NLGN1: variants seen among roughly 807,000 people sequenced by gnomAD.
NLGN1 encodes neuroligin 1.
Under a neutral mutation model 65.5 loss-of-function variants are expected in NLGN1, and 12 were observed. The ratio of observed to expected loss-of-function variants is 0.18; its 90% CI spans 0.12 to 0.30. The LOEUF (loss-of-function observed/expected upper bound fraction) is 0.30. Among genes scored for constraint, NLGN1 ranks in the 10% least tolerant of loss-of-function variants. The pLI, the probability that NLGN1 is intolerant of heterozygous loss-of-function variation, is 1.00. For missense variants in NLGN1, 750 were observed against 1,007.1 expected (o/e 0.74, Z 3.46); for synonymous variants, 350 against 359.5 (o/e 0.97, Z 0.30).
At chr3:173,756,089 G>A (rs150316773) in intron 3 of NLGN1, among the ~76,000 whole-genome samples, 1 of 151,782 alleles carries the variant, frequency 6.6e-6, no homozygotes, top group East Asian at 1.9e-4. Flanking sequence ...ATTTCATTCA[G>A]TAATTCCGTT....
chr3:173,649,959 A>G (rs1265389914), intron 3 of NLGN1, among the ~76,000 whole-genome samples: 1 of 152,026 alleles, frequency 6.6e-6, no homozygotes, highest in Non-Finnish European at 1.5e-5. Flanking sequence ...TACCATTTCC[A>G]TTTACCTCAT....
At chr3:174,219,367 T>C (rs17184565) in intron 4 of NLGN1, among the ~76,000 whole-genome samples, 31,897 of 151,964 alleles carry the variant, frequency 0.21, 3,814 homozygotes, top group African/African-American at 0.32. Flanking sequence ...GAAATTGTGG[T>C]TTATTAAATC....
intron 4 of NLGN1, among the ~76,000 whole-genome samples, chr3:173,827,966 T>A (rs1721709927): frequency 6.6e-6 from 1 of 152,010 alleles, no homozygotes; most frequent in Admixed American, 6.6e-5. Flanking sequence ...TCAATGCTCA[T>A]CTCTTCCAAA....
chr3:173,926,810 TA>T (rs1334774571), intron 4 of NLGN1, among the ~76,000 whole-genome samples: 1 of 152,166 alleles, frequency 6.6e-6, no homozygotes, highest in Admixed American at 6.5e-5. Flanking sequence ...GTCCTGATGT[TA>T]ACATAAACCT....
chr3:173,508,327 T>C (rs559804152), intron 2 of NLGN1, among the ~76,000 whole-genome samples: 1 of 152,298 alleles, frequency 6.6e-6, no homozygotes, highest in South Asian at 2.1e-4. Context: ...TTATGATGCA[T>C]GTAATTATTT....
intron 2 of NLGN1, among the ~76,000 whole-genome samples, chr3:173,472,510 A>G (rs1296919003): frequency 6.6e-6 from 1 of 152,042 alleles, no homozygotes; most frequent in Non-Finnish European, 1.5e-5. Flanking sequence ...AATGGAGAAT[A>G]GTTTCACTTA....
At chr3:173,756,088 A>G (rs55922700) in intron 3 of NLGN1, among the ~76,000 whole-genome samples, 1 of 151,852 alleles carries the variant, frequency 6.6e-6, no homozygotes, top group Admixed American at 6.6e-5. Context: ...AATTTCATTC[A>G]GTAATTCCGT....
chr3:173,654,641 C>T (rs567573706), intron 3 of NLGN1, among the ~76,000 whole-genome samples: 1 of 152,126 alleles, frequency 6.6e-6, no homozygotes, highest in Admixed American at 6.6e-5. Context: ...AATGTAGTGA[C>T]TCTCCTACCG....
intron 4 of NLGN1, among the ~76,000 whole-genome samples, chr3:173,916,661 T>A (rs1414351770): frequency 6.6e-6 from 1 of 152,104 alleles, no homozygotes; most frequent in Non-Finnish European, 1.5e-5. Context: ...CAGTGAGGCT[T>A]ATACAAACAA....
At chr3:173,880,545 C>T (rs1733020985) in intron 4 of NLGN1, among the ~76,000 whole-genome samples, 1 of 150,934 alleles carries the variant, frequency 6.6e-6, no homozygotes, top group Non-Finnish European at 1.5e-5. Flanking sequence ...TACTGTTGTC[C>T]ATTAGGTGTA....
intron 4 of NLGN1, among the ~76,000 whole-genome samples, chr3:173,904,509 G>GTT (rs1299720428): frequency 7.0e-6 from 1 of 141,914 alleles, no homozygotes; most frequent in African/African-American, 2.6e-5. Context: ...AAGATAAAGG[G>GTT]TTTTTTTTTT....
chr3:173,489,434 A>G (rs7638211), intron 2 of NLGN1, among the ~76,000 whole-genome samples: 73,053 of 152,060 alleles, frequency 0.48, 20,148 homozygotes, highest in East Asian at 0.83. Flanking sequence ...TTATGGTTGC[A>G]TAGTATTCCA....
At chr3:173,808,548 T>G (rs549605168) in intron 4 of NLGN1, among the ~76,000 whole-genome samples, 4 of 152,282 alleles carry the variant, frequency 2.6e-5, no homozygotes, top group Admixed American at 6.5e-5. Context: ...AAGATAAACT[T>G]GCTATTCTAG....
chr3:174,241,078 C>G (rs958352899), intron 4 of NLGN1, among the ~76,000 whole-genome samples: 9 of 152,172 alleles, frequency 5.9e-5, no homozygotes. Flanking sequence ...CCCCTTCTAA[C>G]AATGACAAAA....
At chr3:174,038,360 A>T (rs958562467) in intron 4 of NLGN1, among the ~76,000 whole-genome samples, 2 of 152,120 alleles carry the variant, frequency 1.3e-5, no homozygotes, top group Non-Finnish European at 2.9e-5. Context: ...CAGTCATTCC[A>T]TCTCTTACTT....
intron 4 of NLGN1, among the ~76,000 whole-genome samples, chr3:173,892,176 G>GT (rs1168847577): frequency 0.049 from 6,639 of 134,190 alleles, 144 homozygotes; most frequent in Non-Finnish European, 0.062. Flanking sequence ...TATATTTAAG[G>GT]TTTTTTTTTT....
chr3:174,163,491 ATTGTGT>A (rs1157936898), intron 4 of NLGN1, among the ~76,000 whole-genome samples: 1 of 151,820 alleles, frequency 6.6e-6, no homozygotes, highest in Non-Finnish European at 1.5e-5. Flanking sequence ...ACCTGGGTAT[ATTGTGT>A]GATGCTTAGG....
At chr3:173,412,239 TAAAG>T (rs972987476) in intron 1 of NLGN1, among the ~76,000 whole-genome samples, 8 of 152,092 alleles carry the variant, frequency 5.3e-5, no homozygotes, top group African/African-American at 1.9e-4. Context: ...CTACCAAAAA[TAAAG>T]AATGAGGAAT....
At chr3:173,721,773 G>A (rs141562496) in intron 3 of NLGN1, among the ~76,000 whole-genome samples, 13 of 152,180 alleles carry the variant, frequency 8.5e-5, no homozygotes, top group African/African-American at 1.2e-4. Context: ...CATCTTTGCC[G>A]CATAGTACAG....
Sources: gnomAD v4.1 joint callset for allele counts (sites outside exome capture counted in the v4.1 genomes callset) on GRCh38, gnomAD v4.1.1 for gene constraint, MANE v1.5 for transcripts, NCBI Gene and HGNC (gene_info 2026-07-23, HGNC 2026-07-21) for gene names.